Variants in ITPR1 observed in about 807,000 individuals in gnomAD.
ITPR1 encodes the protein inositol 1,4,5-trisphosphate receptor type 1.
ITPR1 carries 96 observed loss-of-function variants against 318.4 expected under a neutral mutation model. That is an observed-to-expected ratio of 0.30 (90% CI 0.26 to 0.36). The LOEUF (loss-of-function observed/expected upper bound fraction) is 0.36, where lower values mean the gene tolerates loss of function less well. Ranked by LOEUF, ITPR1 falls within the 10% of genes least tolerant of loss-of-function variation. The pLI, the probability that ITPR1 is intolerant of heterozygous loss-of-function variation, is 1.00. For missense variants in ITPR1, 2,440 were observed against 3,460.2 expected, an observed-to-expected ratio of 0.71 and a Z score of 7.40; for synonymous variants, 1,312 against 1,289.9, an observed-to-expected ratio of 1.02 and a Z score of -0.37.
At chr3:4,814,972 C>A in intron 58 of ITPR1, 81 bp from the exon 59 acceptor site, 2 of 1,153,638 alleles carry the variant, frequency 1.7e-6, no homozygotes, top group Non-Finnish European at 2.5e-6. Context: ...TAGATGAGGT[C>A]TCACTTGAGC....
intron 52 of ITPR1, among the ~76,000 whole-genome samples, chr3:4,794,267 G>T (rs2047751660): frequency 6.6e-6 from 1 of 152,202 alleles, no homozygotes; most frequent in Admixed American, 6.5e-5. Context: ...AGAATGCCCG[G>T]CCAGCGTGGG....
At chr3:4,534,684 G>A (rs540612970) in intron 4 of ITPR1, among the ~76,000 whole-genome samples, 1 of 152,108 alleles carries the variant, frequency 6.6e-6, no homozygotes, top group Middle Eastern at 3.4e-3. Context: ...TTCCAATTTG[G>A]GTGCTTCTGA....
intron 40 of ITPR1, among the ~76,000 whole-genome samples, chr3:4,719,682 G>A (rs1017714500): frequency 4.6e-5 from 7 of 152,210 alleles, no homozygotes; most frequent in Admixed American, 3.9e-4. Flanking sequence ...TTGATAAAAA[G>A]TACAATGCCT....
intron 4 of ITPR1, among the ~76,000 whole-genome samples, chr3:4,609,051 A>AGTATATATATATAT (rs2091904931): frequency 2.1e-5 from 1 of 46,542 alleles, no homozygotes; most frequent in African/African-American, 5.4e-5. Flanking sequence ...ACAACAACGA[A>AGTATATATATATAT]ATATATATAT....
intron 35 of ITPR1, among the ~76,000 whole-genome samples, chr3:4,700,979 C>T (rs138054598): frequency 1.2e-4 from 18 of 152,310 alleles, no homozygotes; most frequent in African/African-American, 4.3e-4. Context: ...ATTCAGTTAC[C>T]TCCCACCAGG....
chr3:4,535,604 G>T (rs567319148), intron 4 of ITPR1, among the ~76,000 whole-genome samples: 11 of 151,494 alleles, frequency 7.3e-5, no homozygotes, highest in African/African-American at 2.7e-4. Flanking sequence ...CACCACGCCC[G>T]GCTAATTTTT....
At chr3:4,743,565 C>T (rs956166569) in intron 44 of ITPR1, among the ~76,000 whole-genome samples, 8 of 152,108 alleles carry the variant, frequency 5.3e-5, no homozygotes, top group African/African-American at 1.9e-4. Context: ...AGGCACAATC[C>T]CTTTGAGGTG....
At position 4,737,535 on chromosome 3, in the gene ITPR1, G is replaced by A. The variant is rs150437355; in HGVS notation, c.5544+2181G>A. On this transcript the variant is annotated intron_variant, in intron 44 of 61. Transcript: ENST00000649015. The stretch of plus-strand genomic sequence containing the variant: ...CAGCGGTTGGGTCTTTCAGACCGAG[G>A]AGTGCTATGTAGAAGTGAAGGGCCT... Among the ~76,000 whole-genome samples the A allele has an allele frequency of 4.6e-5, 7 of 152,310 alleles. No individual in the cohort carries two copies. In the East Asian group the frequency reaches 1.2e-3, roughly 25 times the overall value.
chr3:4,786,298 G>A (rs953314984), intron 51 of ITPR1, among the ~76,000 whole-genome samples: 1 of 152,198 alleles, frequency 6.6e-6, no homozygotes, highest in African/African-American at 2.4e-5. Context: ...CACAATTCCA[G>A]TTAAATGGGG....
intron 53 of ITPR1, chr3:4,799,835 C>T: frequency 6.6e-6 from 1 of 152,282 alleles, no homozygotes; most frequent in East Asian, 1.9e-4. Context: ...TTGCCTTTCT[C>T]CTTCCCTTGG....
chr3:4,844,810 T>G (rs1340281505), intron 61 of ITPR1, among the ~76,000 whole-genome samples: 5 of 152,370 alleles, frequency 3.3e-5, no homozygotes, highest in Non-Finnish European at 5.9e-5. Context: ...TCTTCTCATC[T>G]AAATTATAAC....
At chr3:4,629,956 G>A (rs145652102) in intron 5 of ITPR1, among the ~76,000 whole-genome samples, 352 of 152,216 alleles carry the variant, frequency 2.3e-3, no homozygotes, top group African/African-American at 8.0e-3. Context: ...ATCGTTATTT[G>A]AATAATGATG....
At chr3:4,818,811 G>A (rs1251620174) in intron 60 of ITPR1, among the ~76,000 whole-genome samples, 4 of 152,144 alleles carry the variant, frequency 2.6e-5, no homozygotes, top group Admixed American at 1.3e-4. Context: ...CAGGAAGCGG[G>A]GAAGCTGCTT....
intron 18 of ITPR1, among the ~76,000 whole-genome samples, 171 bp downstream of exon 18, chr3:4,667,720 C>T (rs1200452308): frequency 6.6e-6 from 1 of 152,070 alleles, no homozygotes; most frequent in Non-Finnish European, 1.5e-5. Flanking sequence ...TAAAATGAGA[C>T]CTGGGGGTGC....
At chr3:4,658,890 G>A (rs1244952799) in intron 13 of ITPR1, among the ~76,000 whole-genome samples, 1 of 152,070 alleles carries the variant, frequency 6.6e-6, no homozygotes, top group Non-Finnish European at 1.5e-5. Context: ...ATTGAGCGCT[G>A]ACTGCATGCT....
intron 4 of ITPR1, among the ~76,000 whole-genome samples, chr3:4,606,669 T>C (rs1490143800): frequency 6.6e-6 from 1 of 152,150 alleles, no homozygotes; most frequent in Non-Finnish European, 1.5e-5. Context: ...CTCAGCCTCA[T>C]GCACTTTACA....
chr3:4,687,243 T>C (rs2094409812), intron 30 of ITPR1, among the ~76,000 whole-genome samples: 1 of 152,256 alleles, frequency 6.6e-6, no homozygotes, highest in South Asian at 2.1e-4. Context: ...AAGTATGTGC[T>C]GCCTTGCCCT....
chr3:4,711,543 C>A, intron 38 of ITPR1: 2 of 533,904 alleles, frequency 3.7e-6, no homozygotes, highest in Admixed American at 6.5e-5. Context: ...GCCCAGTGAG[C>A]CTGTTTGCTG....
At chr3:4,745,659 G>T (rs562009007) in intron 44 of ITPR1, among the ~76,000 whole-genome samples, 4 of 152,200 alleles carry the variant, frequency 2.6e-5, no homozygotes, top group Admixed American at 2.6e-4. Flanking sequence ...CTCATCTACT[G>T]CCCAGGCCTC....
Sources: allele counts gnomAD v4.1 joint callset (sites outside exome capture counted in the v4.1 genomes callset), GRCh38; gene constraint gnomAD v4.1.1; transcripts MANE v1.5; gene names NCBI Gene and HGNC (gene_info 2026-07-23, HGNC 2026-07-21).